The following WWOX variants were observed in gnomAD, a reference collection of about 807,000 sequenced individuals.
WWOX encodes the protein WW domain-containing oxidoreductase.
Under a neutral mutation model 46.2 loss-of-function variants are expected in WWOX, and 69 were observed. The observed-to-expected ratio is 1.49, with a 90% CI of 1.23 to 1.82. The LOEUF (loss-of-function observed/expected upper bound fraction) is 1.82. WWOX is among the 40% of genes most tolerant of loss of function. The pLI is 0.00. For synonymous variants in WWOX, 359 were observed against 202.6 expected (o/e 1.77, Z -6.56); for missense variants, 919 against 542.6 (o/e 1.69, Z -6.89).
chr16:78,380,617 A>T (rs182598334), intron 5 of WWOX, among the ~76,000 whole-genome samples: 1 of 152,268 alleles, frequency 6.6e-6, no homozygotes, highest in East Asian at 1.9e-4. Context: ...TCACGATGAT[A>T]AAACAATACA....
At chr16:79,058,141 A>AC (rs2048298831) in intron 8 of WWOX, among the ~76,000 whole-genome samples, 2 of 147,284 alleles carry the variant, frequency 1.4e-5, no homozygotes, top group Admixed American at 6.7e-5. Flanking sequence ...AAAAAAAAAA[A>AC]CTCCTTCTTC....
chr16:78,149,612 G>C (rs907663357), intron 4 of WWOX, among the ~76,000 whole-genome samples: 27 of 152,228 alleles, frequency 1.8e-4, no homozygotes, highest in African/African-American at 6.5e-4. Context: ...GATGAAACAG[G>C]TGGTATTTGG....
intron 8 of WWOX, among the ~76,000 whole-genome samples, chr16:79,126,933 A>T (rs530937951): frequency 6.6e-6 from 1 of 152,266 alleles, no homozygotes; most frequent in South Asian, 2.1e-4. Context: ...GTGGGAAGTA[A>T]TTTATGTATC....
chr16:79,058,466 G>A (rs2150544183), intron 8 of WWOX, among the ~76,000 whole-genome samples: 1 of 152,194 alleles, frequency 6.6e-6, no homozygotes, highest in East Asian at 1.9e-4. Context: ...GGAAGGAAGA[G>A]AGAGAGGGAA....
At chr16:78,578,061 G>A (rs1197247667) in intron 8 of WWOX, among the ~76,000 whole-genome samples, 1 of 151,262 alleles carries the variant, frequency 6.6e-6, no homozygotes, top group Non-Finnish European at 1.5e-5. Context: ...AAATATTTGG[G>A]GAACATCACT....
At chr16:78,241,842 C>T (rs561189870) in intron 5 of WWOX, among the ~76,000 whole-genome samples, 1 of 152,316 alleles carries the variant, frequency 6.6e-6, no homozygotes, top group East Asian at 1.9e-4. Context: ...TCACTGCTCC[C>T]CTTCTTGTCC....
chr16:78,925,061 GGT>G (rs1187147138), intron 8 of WWOX, among the ~76,000 whole-genome samples: 1 of 152,172 alleles, frequency 6.6e-6, no homozygotes, highest in Non-Finnish European at 1.5e-5. Flanking sequence ...CAGGCATGGT[GGT>G]GTGTGCCTGT....
At chr16:78,335,768 G>C (rs1371654927) in intron 5 of WWOX, among the ~76,000 whole-genome samples, 1 of 152,158 alleles carries the variant, frequency 6.6e-6, no homozygotes, top group African/African-American at 2.4e-5. Context: ...TGGCTCTGCA[G>C]AACTGAGGTG....
At chr16:78,826,464 C>A (rs369838060) in intron 8 of WWOX, among the ~76,000 whole-genome samples, 1 of 152,316 alleles carries the variant, frequency 6.6e-6, no homozygotes, top group South Asian at 2.1e-4. Flanking sequence ...TTGCATCTTT[C>A]GTTTCTGGTG....
chr16:78,336,330 C>CAA (rs35010158), intron 5 of WWOX, among the ~76,000 whole-genome samples: 5 of 131,096 alleles, frequency 3.8e-5, no homozygotes, highest in East Asian at 2.3e-4. Flanking sequence ...AAAATAACAC[C>CAA]AAAAAAAAAA....
chr16:78,968,631 C>A (rs1430400185), intron 8 of WWOX, among the ~76,000 whole-genome samples: 1 of 152,180 alleles, frequency 6.6e-6, no homozygotes, highest in Non-Finnish European at 1.5e-5. Context: ...ATGATGGTGA[C>A]AAAAAGCACA....
intron 8 of WWOX, among the ~76,000 whole-genome samples, chr16:79,035,964 C>T (rs563025806): frequency 4.6e-5 from 7 of 152,332 alleles, no homozygotes; most frequent in African/African-American, 1.4e-4. Flanking sequence ...CCTACATTGC[C>T]ACCAGCATCC....
At chr16:78,806,217 T>A (rs992966569) in intron 8 of WWOX, among the ~76,000 whole-genome samples, 1 of 152,200 alleles carries the variant, frequency 6.6e-6, no homozygotes, top group Non-Finnish European at 1.5e-5. Context: ...ACCTTGAACT[T>A]TTTCCTCTCA....
intron 8 of WWOX, among the ~76,000 whole-genome samples, chr16:78,809,049 G>C (rs2051118469): frequency 6.6e-6 from 1 of 152,092 alleles, no homozygotes; most frequent in Non-Finnish European, 1.5e-5. Context: ...ACCAACTGCA[G>C]CTAATGAGCT....
chr16:78,374,707 C>T (rs1429896272), intron 5 of WWOX, among the ~76,000 whole-genome samples: 1 of 151,884 alleles, frequency 6.6e-6, no homozygotes, highest in Non-Finnish European at 1.5e-5. Context: ...CGCCACCAGG[C>T]CTGGCTAATT....
At chr16:78,283,645 A>G (rs2079719858) in intron 5 of WWOX, among the ~76,000 whole-genome samples, 1 of 152,160 alleles carries the variant, frequency 6.6e-6, no homozygotes, top group South Asian at 2.1e-4. Flanking sequence ...CTCCTTTAGA[A>G]AACGTATTTA....
intron 8 of WWOX, chr16:79,205,834 T>C (rs539785489): frequency 3.2e-4 from 48 of 152,316 alleles, no homozygotes; most frequent in African/African-American, 1.1e-3. Context: ...ATCAGTATTT[T>C]CTCTGCAAAC....
intron 8 of WWOX, among the ~76,000 whole-genome samples, chr16:78,777,490 A>C (rs991652230): frequency 6.6e-6 from 1 of 152,198 alleles, no homozygotes; most frequent in African/African-American, 2.4e-5. Flanking sequence ...GCAAATACAG[A>C]CGTAGAAAGA....
chr16:78,245,362 A>AT (rs2037784480), intron 5 of WWOX, among the ~76,000 whole-genome samples: 1 of 152,152 alleles, frequency 6.6e-6, no homozygotes, highest in Non-Finnish European at 1.5e-5. Flanking sequence ...GTTCTAAAGC[A>AT]TTTTTCCCAT....
Sources: allele counts gnomAD v4.1 joint callset (sites outside exome capture counted in the v4.1 genomes callset), GRCh38; gene constraint gnomAD v4.1.1; transcripts MANE v1.5; gene names NCBI Gene and HGNC (gene_info 2026-07-23, HGNC 2026-07-21).